The following KANK1 variants were observed in gnomAD, a reference collection of about 807,000 sequenced individuals.
KANK1 encodes KN motif and ankyrin repeat domain-containing protein 1.
KANK1 carries 109 observed loss-of-function variants against 106.2 expected under a neutral mutation model. That is an observed-to-expected ratio of 1.03 (90% CI 0.88 to 1.20). KANK1 has a LOEUF of 1.20. Ranked by LOEUF, KANK1 falls within the 50% of genes most tolerant of loss-of-function variation. KANK1 has a pLI of 0.00. For missense variants in KANK1, 2,399 were observed against 1,710.7 expected (o/e 1.40, Z -7.10); for synonymous variants, 873 against 652.2 (o/e 1.34, Z -5.16).
At chr9:593,009 ACAT>A (rs1471649131) in intron 1 of KANK1, among the ~76,000 whole-genome samples, 1 of 151,816 alleles carries the variant, frequency 6.6e-6, no homozygotes, top group African/African-American at 2.4e-5. Flanking sequence ...AAGAAAGAAG[ACAT>A]CATGTGACTG....
rs370490602 is a variant in KANK1 at position 740,898 on chromosome 9, C to T, written c.3660C>T (p.Leu1220=). Residue 1220 remains leucine, a synonymous_variant, in exon 9 of 12, where the codon CTC becomes CTT. Transcript: ENST00000382297. ...AGGACATGCGGATTGTGGAAGAACT[C>T]TTCGGCTGTGGGGATGTGAATGCCA... ...AEKDMRIVEE[L]FGCGDVNAKA... The T allele has an allele frequency of 6.2e-7, 1 of 1,614,176 alleles. No homozygotes were observed.
intron 1 of KANK1, among the ~76,000 whole-genome samples, chr9:632,982 C>G (rs927555047): frequency 6.6e-6 from 1 of 152,082 alleles, no homozygotes; most frequent in African/African-American, 2.4e-5. Context: ...GCGTGAGCCA[C>G]TGCTCCCAGC....
chr9:562,478 G>A (rs1385536684), intron 1 of KANK1, among the ~76,000 whole-genome samples: 3 of 152,198 alleles, frequency 2.0e-5, no homozygotes, highest in Non-Finnish European at 2.9e-5. Context: ...TTTTGCACGT[G>A]TTTTATCCTC....
At chr9:613,912 G>A (rs749810120) in intron 1 of KANK1, among the ~76,000 whole-genome samples, 1 of 152,096 alleles carries the variant, frequency 6.6e-6, no homozygotes, top group Non-Finnish European at 1.5e-5. Context: ...ATTTAACTGA[G>A]CATAAAGGAT....
intron 3 of KANK1, among the ~76,000 whole-genome samples, chr9:719,850 AGG>A (rs1313347166): frequency 1.3e-5 from 2 of 152,252 alleles, no homozygotes; most frequent in East Asian, 3.9e-4. Flanking sequence ...TTCTGGGCTC[AGG>A]GCTCAAGTGA....
At chr9:494,597 TG>T (rs2058431138) in intron 3 of KANK1, among the ~76,000 whole-genome samples, 1 of 152,160 alleles carries the variant, frequency 6.6e-6, no homozygotes, top group Non-Finnish European at 1.5e-5. Context: ...CCACTTGCTC[TG>T]GGGGAAACCA....
intron 1 of KANK1, among the ~76,000 whole-genome samples, chr9:632,484 A>G (rs1207200884): frequency 6.6e-6 from 1 of 152,160 alleles, no homozygotes; most frequent in Non-Finnish European, 1.5e-5. Context: ...TACTACATAT[A>G]CTGTAACTGG....
chr9:536,644 C>G (rs1205727499), intron 1 of KANK1, among the ~76,000 whole-genome samples: 1 of 152,134 alleles, frequency 6.6e-6, no homozygotes, highest in East Asian at 1.9e-4. Flanking sequence ...AAATAAAAGA[C>G]TTTTTAAAAA....
intron 1 of KANK1, among the ~76,000 whole-genome samples, chr9:613,827 G>C (rs1430552604): frequency 2.0e-5 from 3 of 152,176 alleles, no homozygotes; most frequent in Non-Finnish European, 4.4e-5. Context: ...AGATGGCAGT[G>C]TCACCAGCCT....
intron 1 of KANK1, among the ~76,000 whole-genome samples, chr9:565,536 T>A (rs561400441): frequency 1.3e-5 from 2 of 152,112 alleles, no homozygotes; most frequent in African/African-American, 4.8e-5. Flanking sequence ...GTTTTGGGGG[T>A]TGAGGTTTTT....
chr9:568,007 T>G (rs1344003160), intron 1 of KANK1, among the ~76,000 whole-genome samples: 2 of 151,946 alleles, frequency 1.3e-5, no homozygotes, highest in Non-Finnish European at 2.9e-5. Flanking sequence ...TTTTTTTTTC[T>G]TTGTGCCCAT....
At position 730,093 on chromosome 9, in the gene KANK1, CAGGAA is replaced by C. The variant is rs1176268062; in HGVS notation, c.2742_2746del (p.Gly915SerfsTer10). The C allele has an allele frequency of 2.5e-6, 4 of 1,614,044 alleles. No homozygotes were observed. Among genetic ancestry groups the C allele is most frequent in the Non-Finnish European group, 3.4e-6 (4 of 1,180,038 alleles). On this transcript the variant is annotated frameshift_variant, in exon 4 of 12. Transcript: ENST00000382297. LOFTEE classifies it high-confidence loss of function. ...ACCTGTAAGTGTGGGGGCCTTCAGT[CAGGAA>C]GTCCCTTAAGCTCCCAGACATCCCA...
intron 1 of KANK1, among the ~76,000 whole-genome samples, chr9:621,619 C>G (rs1004783109): frequency 1.3e-5 from 2 of 152,074 alleles, no homozygotes; most frequent in African/African-American, 4.8e-5. Flanking sequence ...ACTTGATAAT[C>G]CATTTCTGCC....
chr9:718,406 G>A (rs1447367935), intron 3 of KANK1, among the ~76,000 whole-genome samples: 16 of 145,748 alleles, frequency 1.1e-4, no homozygotes, highest in Non-Finnish European at 2.1e-4. Context: ...TGAACTTCCC[G>A]AGCTCTAACC....
rs79437342 is a variant in KANK1 at position 671,623 on chromosome 9, A to AAAAAAAAAAAAAAAAAAAAAAG, written c.-83-5263_-83-5262insAAAAAAAAAAAAAAAAAGAAAA. On this transcript the variant is annotated intron_variant, in intron 1 of 11. Coordinates refer to ENST00000382297, the MANE Select transcript of KANK1 (RefSeq NM_015158.5). ...AGAGCGAAACTCCGTCTCAAAAAAAAAAAAGAGTGTACTGGTTAAGTACTG... is the reference window on the plus strand; with the variant it reads ...AGAGCGAAACTCCGTCTCAAAAAAAAAAAAAAAAAAAAAAAAAAAAAGAAAAGAGTGTACTGGTTAAGTACTG... Among the ~76,000 whole-genome samples the AAAAAAAAAAAAAAAAAAAAAAG allele has an allele frequency of 1.3e-4, 13 of 103,622 alleles. 2 individuals are homozygous for AAAAAAAAAAAAAAAAAAAAAAG. The highest frequency in any genetic ancestry group is 1.6e-4 in the Non-Finnish European group (9 of 55,866). 68.0% of individuals were successfully genotyped at this position (103,622 alleles called of 152,430 possible). A position where few individuals can be genotyped will look rare whatever the true frequency, so the allele number is the denominator to read the frequency against.
At chr9:622,202 C>T (rs1185172721) in intron 1 of KANK1, among the ~76,000 whole-genome samples, 1 of 152,150 alleles carries the variant, frequency 6.6e-6, no homozygotes, top group East Asian at 1.9e-4. Context: ...GAACTAATGA[C>T]TTCTACTTTT....
At chr9:671,053 G>A (rs4584192) in intron 1 of KANK1, among the ~76,000 whole-genome samples, 80,224 of 149,296 alleles carry the variant, frequency 0.54, 22,163 homozygotes, top group East Asian at 0.66. Context: ...AATCTCGATG[G>A]TGTATATTTA....
intron 1 of KANK1, among the ~76,000 whole-genome samples, chr9:629,308 G>A (rs1477201858): frequency 6.6e-6 from 1 of 152,082 alleles, no homozygotes; most frequent in East Asian, 1.9e-4. Flanking sequence ...TTGATCACCT[G>A]CTAAGACAAA....
chr9:675,869 G>A (rs760853557), intron 1 of KANK1, among the ~76,000 whole-genome samples: 2 of 152,186 alleles, frequency 1.3e-5, no homozygotes, highest in Non-Finnish European at 2.9e-5. Flanking sequence ...TAAACAAGAG[G>A]TGGATTATTC....
Sources: gnomAD v4.1 joint callset for allele counts (sites outside exome capture counted in the v4.1 genomes callset) on GRCh38, gnomAD v4.1.1 for gene constraint, MANE v1.5 for transcripts, NCBI Gene and HGNC (gene_info 2026-07-23, HGNC 2026-07-21) for gene names.